Variants in GRIN1 observed in about 807,000 individuals in gnomAD.
GRIN1 encodes glutamate ionotropic receptor NMDA type subunit 1.
A neutral mutation model predicts 103.0 loss-of-function variants in GRIN1; 38 were observed. That is an observed-to-expected ratio of 0.37 (90% CI 0.28 to 0.48). The LOEUF is 0.48. Among genes scored for constraint, GRIN1 ranks in the 20% least tolerant of loss-of-function variants. The pLI is 0.98. For missense variants in GRIN1, 577 were observed against 1,288.9 expected (o/e 0.45, Z 8.46); for synonymous variants, 544 against 532.7 (o/e 1.02, Z -0.29).
At chr9:137,165,937 G>T (rs2131310143) in intron 19 of GRIN1, among the ~76,000 whole-genome samples, 1 of 152,338 alleles carries the variant, frequency 6.6e-6, no homozygotes, top group African/African-American at 2.4e-5. Flanking sequence ...GACGGCTGGG[G>T]CCTGGAGTTG....
intron 8 of GRIN1, among the ~76,000 whole-genome samples, chr9:137,159,040 G>A (rs1419354220): frequency 1.3e-5 from 2 of 152,140 alleles, no homozygotes; most frequent in African/African-American, 2.4e-5. Context: ...TTCAGCACTC[G>A]CTGTCCCCAG....
chr9:137,165,816 C>T (rs1833847440), intron 19 of GRIN1, among the ~76,000 whole-genome samples: 2 of 152,374 alleles, frequency 1.3e-5, no homozygotes, highest in East Asian at 1.9e-4. Context: ...CCACTGGCCC[C>T]GCCCCCCAGA....
At chr9:137,149,307 C>T (rs906396428) in intron 4 of GRIN1, among the ~76,000 whole-genome samples, 198 bp downstream of exon 4, 1 of 152,140 alleles carries the variant, frequency 6.6e-6, no homozygotes, top group African/African-American at 2.4e-5. Flanking sequence ...CTCCATCTGT[C>T]CCTCCCTTCC....
chr9:137,158,311 G>C, intron 6 of GRIN1, 68 bp from the exon 7 acceptor site: 2 of 1,544,266 alleles, frequency 1.3e-6, no homozygotes, highest in Non-Finnish European at 1.8e-6. Flanking sequence ...AAGCAGCAGG[G>C]GGAAGGAGCA....
chr9:137,144,582 G>C (rs1309833992), intron 2 of GRIN1, among the ~76,000 whole-genome samples: 1 of 151,598 alleles, frequency 6.6e-6, no homozygotes, highest in African/African-American at 2.4e-5. Flanking sequence ...GTGAACCCAG[G>C]AGGCGGAGCC....
chr9:137,166,256 C>G (rs979749055), intron 19 of GRIN1, among the ~76,000 whole-genome samples: 24 of 152,222 alleles, frequency 1.6e-4, no homozygotes, highest in African/African-American at 5.8e-4. Flanking sequence ...CCACCTCCTG[C>G]TCGGGGCAGC....
chr9:137,150,489 CAA>C (rs946623294), intron 4 of GRIN1, among the ~76,000 whole-genome samples: 2 of 147,132 alleles, frequency 1.4e-5, no homozygotes, highest in African/African-American at 5.1e-5. Flanking sequence ...AAAGATCCGC[CAA>C]GAGAAGTCTC....
chr9:137,161,787 G>A (rs1833566994), intron 10 of GRIN1, 137 bp from the exon 11 acceptor site: 1 of 879,974 alleles, frequency 1.1e-6, no homozygotes. Flanking sequence ...GGGCTGGAGT[G>A]GGGTGGGGCC....
At chr9:137,147,990 G>A (rs1313819891) in intron 3 of GRIN1, among the ~76,000 whole-genome samples, 8 of 152,050 alleles carry the variant, frequency 5.3e-5, no homozygotes, top group Admixed American at 4.6e-4. Flanking sequence ...CTCCACCCCG[G>A]CCCCCAGCCC....
intron 6 of GRIN1, among the ~76,000 whole-genome samples, chr9:137,158,073 T>C (rs1833335684): frequency 6.6e-6 from 1 of 152,254 alleles, no homozygotes. Flanking sequence ...TAAGGCAGGA[T>C]GGTTCTGAGG....
At chr9:137,143,473 A>G (rs746539739) in intron 2 of GRIN1, among the ~76,000 whole-genome samples, 10 of 152,204 alleles carry the variant, frequency 6.6e-5, no homozygotes, top group Non-Finnish European at 1.0e-4. Flanking sequence ...GTTTCCTCAC[A>G]TGTGAAGGAG....
chr9:137,145,713 C>T lies in GRIN1; in HGVS notation c.394-13C>T, dbSNP rs757225081. On this transcript the variant is annotated splice_polypyrimidine_tract_variant and intron_variant, in intron 2 of 19. Transcript: ENST00000371561. ...GGGTCCACCTCAGCCCGCCGTGCCC[C>T]CGCCTCCCGCAGAGCATCCACCTGA... 3.7e-5 allele frequency: 60 copies of T among 1,611,036 alleles called. 1 individual carries two copies. Among genetic ancestry groups the T allele is most frequent in the Middle Eastern group, 1.7e-4 (1 of 5,958 alleles).
chr9:137,142,991 G>A (rs1208620948), intron 2 of GRIN1, among the ~76,000 whole-genome samples: 1 of 152,250 alleles, frequency 6.6e-6, no homozygotes, highest in African/African-American at 2.4e-5. Context: ...AGAGCCATGG[G>A]GGCTTGCTCT....
chr9:137,147,075 C>T (rs973308579), intron 3 of GRIN1, among the ~76,000 whole-genome samples: 2 of 150,422 alleles, frequency 1.3e-5, no homozygotes, highest in Non-Finnish European at 3.0e-5. Flanking sequence ...CTCACCCCAG[C>T]GCTCGACAGG....
chr9:137,139,238 T>G lies in GRIN1; in HGVS notation c.-249T>G. The G allele has an allele frequency of 5.8e-6, 1 of 172,872 alleles. No individual in the cohort carries two copies. The highest frequency in any genetic ancestry group is 1.7e-4 in the East Asian group (1 of 5,902). 10.7% of individuals were successfully genotyped at this position (172,872 alleles called of 1,614,324 possible). A position where few individuals can be genotyped will look rare whatever the true frequency, so the allele number is the denominator to read the frequency against. ...GCCGGGCCCTTTCCAAGCCGGGCGC[T>G]CGGAGCTGTGCCCGGCCCCGCTTCA... On this transcript the variant is annotated 5_prime_UTR_variant, in exon 1 of 20. Coordinates refer to ENST00000371561, the MANE Select transcript of GRIN1 (RefSeq NM_007327.4). This position sits in a 1 kb window ranked among gnomAD's most constrained non-coding sequence, Gnocchi z 7.7.
At position 137,167,423 on chromosome 9, in the gene GRIN1, G is replaced by T; in HGVS notation, c.2713G>T (p.Gly905Ter). The change falls in exon 20 of 20, where the codon GGA becomes TGA. Residue 905 changes from glycine to a stop codon, truncating the protein, a stop_gained. Coordinates refer to ENST00000371561, the MANE Select transcript of GRIN1 (RefSeq NM_007327.4). LOFTEE classifies it high-confidence loss of function. The part of the protein sequence containing the change: ...RSSKDTSTGG[G>*]RGALQNQKDT... ...TTCTTATTTATAGAGCACCGGGGGT[G>T]GACGCGGCGCTTTGCAAAACCAAAA... is the stretch of plus-strand genomic sequence containing the variant. 1.3e-6 allele frequency: 2 copies of T among 1,559,122 alleles called. No individual in the cohort carries two copies. Among genetic ancestry groups the T allele is most frequent in the Non-Finnish European group, 1.7e-6 (2 of 1,151,368 alleles).
chr9:137,144,769 C>T (rs56184316), intron 2 of GRIN1, among the ~76,000 whole-genome samples: 1,258 of 38,664 alleles, frequency 0.033, 51 homozygotes, highest in Non-Finnish European at 0.047. Context: ...TCCCAGGGTC[C>T]AGAAAGTGTC....
At chr9:137,152,654 C>T (rs1832974286) in intron 4 of GRIN1, among the ~76,000 whole-genome samples, 1 of 152,172 alleles carries the variant, frequency 6.6e-6, no homozygotes, top group South Asian at 2.1e-4. Context: ...CGTTGCCAGC[C>T]TCAGGGCCAA....
chr9:137,144,223 C>G (rs1347606716), intron 2 of GRIN1, among the ~76,000 whole-genome samples: 6 of 152,062 alleles, frequency 3.9e-5, no homozygotes, highest in African/African-American at 1.4e-4. Flanking sequence ...ATGGGGCCAA[C>G]ACTAAACCTC....
Sources: allele counts gnomAD v4.1 joint callset (sites outside exome capture counted in the v4.1 genomes callset), GRCh38; gene constraint gnomAD v4.1.1; non-coding constraint Gnocchi (gnomAD v3.1); transcripts MANE v1.5; gene names NCBI Gene and HGNC (gene_info 2026-07-23, HGNC 2026-07-21).